Variants in DLG2 observed in about 807,000 individuals in gnomAD.
The protein encoded by DLG2 is discs large MAGUK scaffold protein 2.
DLG2 carries 45 observed loss-of-function variants against 132.5 expected under a neutral mutation model. The observed-to-expected ratio is 0.34, with a 90% CI of 0.27 to 0.44. The LOEUF (loss-of-function observed/expected upper bound fraction) is 0.44. Among genes scored for constraint, DLG2 ranks in the 20% least tolerant of loss-of-function variants. The pLI, the probability that DLG2 is intolerant of heterozygous loss-of-function variation, is 1.00. For synonymous variants in DLG2, 424 were observed against 419.6 expected, an observed-to-expected ratio of 1.01 and a Z score of -0.13; for missense variants, 1,045 against 1,196.9, an observed-to-expected ratio of 0.87 and a Z score of 1.87.
intron 6 of DLG2, among the ~76,000 whole-genome samples, chr11:84,942,040 T>C (rs2049504892): frequency 6.6e-6 from 1 of 152,168 alleles, no homozygotes; most frequent in African/African-American, 2.4e-5. Context: ...TACTTGCATA[T>C]AGATGCTCAT....
chr11:85,523,428 A>G (rs2074474339), intron 3 of DLG2, among the ~76,000 whole-genome samples: 1 of 152,232 alleles, frequency 6.6e-6, no homozygotes, highest in Non-Finnish European at 1.5e-5. Context: ...AAAGATCTAA[A>G]CAGACATTTC....
chr11:85,181,561 T>C (rs2079705100), intron 4 of DLG2, among the ~76,000 whole-genome samples: 1 of 151,640 alleles, frequency 6.6e-6, no homozygotes, highest in Non-Finnish European at 1.5e-5. Context: ...TTTGTTTCCG[T>C]TCCCTTGTTA....
At chr11:84,299,094 G>A (rs1363132372) in intron 7 of DLG2, among the ~76,000 whole-genome samples, 4 of 152,050 alleles carry the variant, frequency 2.6e-5, no homozygotes, top group Non-Finnish European at 5.9e-5. Flanking sequence ...GGAGATATAA[G>A]CCCCCAAGAG....
At chr11:85,481,580 C>A (rs891970908) in intron 3 of DLG2, among the ~76,000 whole-genome samples, 1 of 152,052 alleles carries the variant, frequency 6.6e-6, no homozygotes, top group African/African-American at 2.4e-5. Flanking sequence ...AGGCCCACCC[C>A]CAATAAAGCC....
chr11:85,050,085 C>T (rs1293019180), intron 6 of DLG2, among the ~76,000 whole-genome samples: 2 of 148,306 alleles, frequency 1.3e-5, no homozygotes, highest in African/African-American at 5.0e-5. Context: ...GGAACTCCAA[C>T]CTTCCCAGGA....
intron 2 of DLG2, among the ~76,000 whole-genome samples, chr11:85,604,375 A>C (rs1025514967): frequency 5.9e-5 from 9 of 152,206 alleles, no homozygotes; most frequent in Non-Finnish European, 2.9e-5. Flanking sequence ...TGGTTAATGA[A>C]AGTTTGAAGG....
At chr11:83,793,730 T>C (rs2042133112) in intron 17 of DLG2, among the ~76,000 whole-genome samples, 1 of 152,202 alleles carries the variant, frequency 6.6e-6, no homozygotes, top group Non-Finnish European at 1.5e-5. Context: ...CCTACCTACC[T>C]ACCTATCAGG....
intron 3 of DLG2, among the ~76,000 whole-genome samples, chr11:85,492,646 T>C (rs1250515273): frequency 1.3e-5 from 2 of 152,226 alleles, no homozygotes; most frequent in African/African-American, 4.8e-5. Flanking sequence ...CTTCCCTTTA[T>C]TATGTCAAAT....
intron 3 of DLG2, among the ~76,000 whole-genome samples, chr11:85,402,579 T>C (rs1419074323): frequency 6.6e-6 from 1 of 152,124 alleles, no homozygotes; most frequent in Non-Finnish European, 1.5e-5. Context: ...AGAAAATCTT[T>C]GCAATCTACC....
chr11:83,938,213 AC>A (rs2081925333), intron 14 of DLG2, among the ~76,000 whole-genome samples: 1 of 152,260 alleles, frequency 6.6e-6, no homozygotes, highest in Non-Finnish European at 1.5e-5. Context: ...AAAGTTAAAT[AC>A]AAAATTGTAT....
chr11:85,254,921 C>A (rs1211785603), intron 4 of DLG2, among the ~76,000 whole-genome samples: 1 of 151,608 alleles, frequency 6.6e-6, no homozygotes, highest in Non-Finnish European at 1.5e-5. Flanking sequence ...ATGGCGTGAA[C>A]CCAGGAGGCG....
Position 85,558,310 on chromosome 11 carries a change from T to C in DLG2, c.40+40347A>G, listed in dbSNP as rs1341758720. The stretch of plus-strand genomic sequence containing the variant: ...TTAAAATGTCAAAAAGCAATAGATG[T>C]TGGCAAGGCTGTGGAGAAAAGGGAA... On this transcript the variant is annotated intron_variant, in intron 3 of 27. Coordinates refer to ENST00000376104, the MANE Select transcript of DLG2 (RefSeq NM_001142699.3). Among the ~76,000 whole-genome samples, 13 of 151,868 alleles carry C rather than the reference T, an allele frequency of 8.6e-5. 2 individuals carry two copies. Among genetic ancestry groups the C allele is most frequent in the Admixed American group, 8.5e-4 (13 of 15,228 alleles).
chr11:83,704,132 C>A (rs958951895), intron 18 of DLG2, among the ~76,000 whole-genome samples: 41 of 151,832 alleles, frequency 2.7e-4, no homozygotes, highest in African/African-American at 9.7e-4. Flanking sequence ...ATAAAATATC[C>A]TTTTAAGATA....
At chr11:85,140,729 T>A (rs2076414844) in intron 5 of DLG2, among the ~76,000 whole-genome samples, 1 of 151,738 alleles carries the variant, frequency 6.6e-6, no homozygotes, top group Non-Finnish European at 1.5e-5. Context: ...TTCCCCTCCA[T>A]CACCACTACT....
chr11:83,459,641 T>C lies in DLG2; in HGVS notation c.*177A>G, dbSNP rs960714084. 2 of 533,352 alleles carry C rather than the reference T, an allele frequency of 3.7e-6. No homozygotes were observed. Among genetic ancestry groups the C allele is most frequent in the Non-Finnish European group, 6.7e-6 (2 of 297,856 alleles). The allele number at this position is 533,352 out of a possible 1,614,324, so 33.0% of individuals were successfully genotyped here. A position where few individuals can be genotyped will look rare whatever the true frequency, so the allele number is the denominator to read the frequency against. On this transcript the variant is annotated 3_prime_UTR_variant, in exon 28 of 28. Transcript: ENST00000376104. ...CTGCAATGTCTTTTCTGTCCCACCCTTTGGCCCCTCTGTTTCCTTCATGGC... is the reference window on the plus strand; with the variant it reads ...CTGCAATGTCTTTTCTGTCCCACCCCTTGGCCCCTCTGTTTCCTTCATGGC...
intron 6 of DLG2, among the ~76,000 whole-genome samples, chr11:84,953,838 C>A (rs962409553): frequency 6.6e-6 from 1 of 152,260 alleles, no homozygotes; most frequent in East Asian, 1.9e-4. Flanking sequence ...AGCCTTATTT[C>A]TCACCACCGC....
At chr11:84,544,561 G>A (rs892584177) in intron 6 of DLG2, among the ~76,000 whole-genome samples, 57 of 152,318 alleles carry the variant, frequency 3.7e-4, no homozygotes, top group African/African-American at 1.3e-3. Flanking sequence ...GCCTCACATA[G>A]TGGAAAGTGC....
chr11:84,788,804 A>G (rs970294345), intron 6 of DLG2, among the ~76,000 whole-genome samples: 3 of 152,142 alleles, frequency 2.0e-5, no homozygotes, highest in African/African-American at 7.2e-5. Context: ...ATAATAATGT[A>G]TGTTGACTCA....
In DLG2 at chr11:85,365,940, G is replaced by A. The variant is rs569971452; in HGVS notation, c.41-80575C>T. 7.9e-5 allele frequency among the ~76,000 whole-genome samples: 12 copies of A among 152,248 alleles called. 1 individual carries two copies. The highest frequency in any genetic ancestry group is 2.9e-4 in the African/African-American group (12 of 41,548). On this transcript the variant is annotated intron_variant, in intron 3 of 27. Coordinates refer to ENST00000376104, the MANE Select transcript of DLG2 (RefSeq NM_001142699.3). ...ACACAACAGGTCCTGCCAGGAGGTG[G>A]GGGGCTAGGGGAGGGACAGCATTAG...
Sources: allele counts gnomAD v4.1 joint callset (sites outside exome capture counted in the v4.1 genomes callset), GRCh38; gene constraint gnomAD v4.1.1; transcripts MANE v1.5; gene names NCBI Gene and HGNC (gene_info 2026-07-23, HGNC 2026-07-21).